Variants in TMCC2 observed in about 807,000 individuals in gnomAD.
The protein encoded by TMCC2 is transmembrane and coiled-coil domains protein 2.
In TMCC2, 16 loss-of-function variants were observed where a neutral mutation model predicts 49.4. The ratio of observed to expected loss-of-function variants is 0.32; its 90% CI spans 0.22 to 0.49. TMCC2 has a LOEUF of 0.49. Among genes scored for constraint, TMCC2 ranks in the 20% least tolerant of loss-of-function variants. The probability of loss-of-function intolerance (pLI) is 0.99; values close to 1 mark genes in which losing one functional copy is unlikely to be tolerated. For synonymous variants in TMCC2, 397 were observed against 434.1 expected, an observed-to-expected ratio of 0.91 and a Z score of 1.06; for missense variants, 762 against 989.8, an observed-to-expected ratio of 0.77 and a Z score of 3.09.
At chr1:205,257,102 T>A in intron 2 of TMCC2, 1 of 1,192,714 alleles carries the variant, frequency 8.4e-7, no homozygotes, top group Non-Finnish European at 1.0e-6. Context: ...TGATCCTCCC[T>A]GTCTCCTGCC....
At chr1:205,259,466 A>G (rs1469831771) in intron 2 of TMCC2, among the ~76,000 whole-genome samples, 1 of 152,236 alleles carries the variant, frequency 6.6e-6, no homozygotes, top group African/African-American at 2.4e-5. Context: ...ATGCATTTAC[A>G]TTATGAAGAA....
chr1:205,267,902 G>A (rs1661411310), intron 2 of TMCC2: 1 of 985,036 alleles, frequency 1.0e-6, no homozygotes, highest in Non-Finnish European at 1.2e-6. Flanking sequence ...GCTTCCCTTG[G>A]CCTTTGAGTT....
chr1:205,238,557 A>T (rs1490178812), intron 1 of TMCC2, among the ~76,000 whole-genome samples: 1 of 152,150 alleles, frequency 6.6e-6, no homozygotes, highest in East Asian at 1.9e-4. Context: ...GGAGGTGGGA[A>T]GTAAAGACTT....
rs533380427 is a variant in TMCC2 at position 205,267,919 on chromosome 1, G to A, written c.748-1031G>A. The A allele has an allele frequency of 9.1e-6, 9 of 985,284 alleles. No homozygotes were observed. In the East Asian group the frequency reaches 1.0e-3, roughly 112 times the overall value. 61.0% of individuals were successfully genotyped at this position (985,284 alleles called of 1,614,324 possible). ...TTCCCTTGGCCTTTGAGTTACTTCT[G>A]GGGCTTTAGTCCTCGGGGACCTGGC... On this transcript the variant is annotated intron_variant, in intron 2 of 4. Transcript: ENST00000358024.
At chr1:205,268,340 G>A (rs1338234281) in intron 2 of TMCC2, among the ~76,000 whole-genome samples, 2 of 152,180 alleles carry the variant, frequency 1.3e-5, no homozygotes, top group Non-Finnish European at 2.9e-5. Flanking sequence ...GGGGCCAGGC[G>A]TAGTGGCTCA....
intron 2 of TMCC2, among the ~76,000 whole-genome samples, chr1:205,248,328 G>T (rs1660534204): frequency 6.6e-6 from 1 of 152,120 alleles, no homozygotes; most frequent in Non-Finnish European, 1.5e-5. Context: ...AGGATCACTT[G>T]AGCCCACGAG....
At chr1:205,255,202 C>CAA (rs11406321) in intron 2 of TMCC2, among the ~76,000 whole-genome samples, 347 of 93,440 alleles carry the variant, frequency 3.7e-3, no homozygotes, top group Non-Finnish European at 4.3e-3. Context: ...GATCCTGTCT[C>CAA]AAAAAAAAAA....
In TMCC2 at chr1:205,241,574, C is replaced by CG. The variant is rs1660264425; in HGVS notation, c.279dup (p.Ser94ValfsTer25). On this transcript the variant is annotated frameshift_variant, in exon 2 of 5. Transcript: ENST00000358024. LOFTEE classifies it high-confidence loss of function. This position sits in a 1 kb window ranked among gnomAD's most constrained non-coding sequence, Gnocchi z 7.3. ...GAAGCACCTGTTCCACAGCCGCCGTCGGTCTCGGGAAAGGGAGCACCAGAC... is the reference window on the plus strand; with the variant it reads ...GAAGCACCTGTTCCACAGCCGCCGTCGGGTCTCGGGAAAGGGAGCACCAGAC... The CG allele has an allele frequency of 6.2e-7, 1 of 1,613,840 alleles. No homozygotes were observed. The highest frequency in any genetic ancestry group is 1.7e-5 in the Admixed American group (1 of 59,986).
At chr1:205,236,446 A>T (rs188168835) in intron 1 of TMCC2, 34 of 152,350 alleles carry the variant, frequency 2.2e-4, no homozygotes, top group African/African-American at 7.9e-4. Context: ...CCTTTGTAAG[A>T]TGGATTTGTA....
chr1:205,272,542 G>C lies in TMCC2; in HGVS notation c.*418G>C, dbSNP rs878914353. 1.5e-5 allele frequency: 3 copies of C among 196,988 alleles called. No individual in the cohort carries two copies. The highest frequency in any genetic ancestry group is 2.1e-4 in the South Asian group (2 of 9,716). The allele number at this position is 196,988 out of a possible 1,614,324, so 12.2% of individuals were successfully genotyped here. A position where few individuals can be genotyped will look rare whatever the true frequency, so the allele number is the denominator to read the frequency against. On this transcript the variant is annotated 3_prime_UTR_variant, in exon 5 of 5. Coordinates refer to ENST00000358024, the MANE Select transcript of TMCC2 (RefSeq NM_014858.4). ...GATAGCTACGGTTTTCTCTGGTGGA[G>C]ATGGTGAGGATGAAGGCTGGAGAGT...
At position 205,236,070 on chromosome 1, in the gene TMCC2, A is replaced by C. The variant is rs201988982; in HGVS notation, c.208-5435A>C. 1.8e-3 allele frequency among the ~76,000 whole-genome samples: 33 copies of C among 18,130 alleles called. No homozygotes were observed. The African/African-American group carries it at 0.072, about 40-fold the overall frequency. The allele number at this position is 18,130 out of a possible 152,430, so 11.9% of individuals were successfully genotyped here. Reference sequence around the variant, plus strand: ...GGCGACACAGCAGGACTCTGTCTCAAAAAAAAAAAAAAAAAAAGAACAGTT... The same window carrying C: ...GGCGACACAGCAGGACTCTGTCTCACAAAAAAAAAAAAAAAAAGAACAGTT... On this transcript the variant is annotated intron_variant, in intron 1 of 4. Coordinates refer to ENST00000358024, the MANE Select transcript of TMCC2 (RefSeq NM_014858.4).
chr1:205,235,184 TC>T (rs929133115), intron 1 of TMCC2, among the ~76,000 whole-genome samples: 64 of 151,456 alleles, frequency 4.2e-4, no homozygotes, highest in East Asian at 9.7e-4. Context: ...CAGGATTGCC[TC>T]CCCCCCACCC....
intron 2 of TMCC2, chr1:205,268,045 C>G (rs1373236895): frequency 1.0e-6 from 1 of 985,258 alleles, no homozygotes; most frequent in South Asian, 4.7e-5. Context: ...ACCAATGACT[C>G]TGGAGAGCCG....
rs201022917 is a variant in TMCC2 at position 205,241,790 on chromosome 1, G to A, written c.493G>A (p.Ala165Thr). The change falls in exon 2 of 5, where the codon GCC becomes ACC. Residue 165 changes from alanine to threonine, a missense_variant. Transcript: ENST00000358024. This position sits in a 1 kb window ranked among gnomAD's most constrained non-coding sequence, Gnocchi z 7.3. ...IRSRPSIKRGASLHSSSGGGS... is the reference protein window; with the variant it reads ...IRSRPSIKRGTSLHSSSGGGS... ...CTCCCGGCCCTCCATCAAGCGGGGC[G>A]CCAGCCTGCACAGCAGCAGTGGGGG... The A allele has an allele frequency of 2.2e-5, 36 of 1,600,608 alleles. No individual in the cohort carries two copies. Among genetic ancestry groups the A allele is most frequent in the African/African-American group, 1.6e-4 (12 of 74,608 alleles).
In TMCC2 at chr1:205,269,008, GC is replaced by G; in HGVS notation, c.810del (p.Ile271SerfsTer27). ...SLPAGHGDTD[G>X]PISLDVPDGA... ...CCCGCCGGCCATGGTGACACCGACGGCCCCATCAGCCTGGACGTGCCCGATG... is the reference window on the plus strand; with the variant it reads ...CCCGCCGGCCATGGTGACACCGACGGCCCATCAGCCTGGACGTGCCCGATG... On this transcript the variant is annotated frameshift_variant, in exon 3 of 5. Transcript: ENST00000358024. LOFTEE classifies it high-confidence loss of function. The G allele has an allele frequency of 1.2e-6, 2 of 1,613,292 alleles. No homozygotes were observed. Among genetic ancestry groups the G allele is most frequent in the Non-Finnish European group, 8.5e-7 (1 of 1,179,988 alleles).
At chr1:205,231,102 C>G (rs190914113) in intron 1 of TMCC2, among the ~76,000 whole-genome samples, 1 of 150,408 alleles carries the variant, frequency 6.6e-6, no homozygotes, top group African/African-American at 2.4e-5. Context: ...CATGGGGAAA[C>G]AAGCAGGGCT....
At chr1:205,257,385 G>A (rs940133757) in intron 2 of TMCC2, 9 of 1,232,200 alleles carry the variant, frequency 7.3e-6, no homozygotes, top group Non-Finnish European at 1.0e-6. Flanking sequence ...TCTGGTGGGT[G>A]GAAGGAGAGA....
intron 2 of TMCC2, among the ~76,000 whole-genome samples, chr1:205,267,235 G>A (rs1400076983): frequency 6.6e-6 from 1 of 152,204 alleles, no homozygotes. Context: ...GCCCACAGAG[G>A]AGCCGCCCTC....
intron 2 of TMCC2, chr1:205,246,705 T>C (rs757088716): frequency 6.5e-7 from 1 of 1,549,512 alleles, no homozygotes; most frequent in Non-Finnish European, 8.7e-7. Flanking sequence ...AGTCAATGAA[T>C]ACATTTTAAA....
Sources: allele counts gnomAD v4.1 joint callset (sites outside exome capture counted in the v4.1 genomes callset), GRCh38; gene constraint gnomAD v4.1.1; non-coding constraint Gnocchi (gnomAD v3.1); transcripts MANE v1.5; gene names NCBI Gene and HGNC (gene_info 2026-07-23, HGNC 2026-07-21).